Variants in MCCC2 observed in about 807,000 individuals in gnomAD.
MCCC2 encodes the protein methylcrotonyl-CoA carboxylase subunit 2.
MCCC2 carries 52 observed loss-of-function variants against 77.2 expected under a neutral mutation model. That is an observed-to-expected ratio of 0.67 (90% CI 0.54 to 0.85). The LOEUF (loss-of-function observed/expected upper bound fraction) is 0.85. Ranked by LOEUF, MCCC2 falls within the 40% of genes least tolerant of loss-of-function variation. The pLI, the probability that MCCC2 is intolerant of heterozygous loss-of-function variation, is 0.00. For synonymous variants in MCCC2, 253 were observed against 248.4 expected (o/e 1.02, Z -0.18); for missense variants, 682 against 703.2 (o/e 0.97, Z 0.34).
intron 2 of MCCC2, among the ~76,000 whole-genome samples, chr5:71,595,142 C>T (rs987188330): frequency 6.6e-6 from 1 of 151,086 alleles, no homozygotes; most frequent in Non-Finnish European, 1.5e-5. Context: ...TCAAGTGATC[C>T]ACCCACCTCA....
intron 10 of MCCC2, among the ~76,000 whole-genome samples, chr5:71,637,949 T>G (rs1349430490): frequency 6.6e-6 from 1 of 152,102 alleles, no homozygotes; most frequent in African/African-American, 2.4e-5. Flanking sequence ...CCGGACTTCA[T>G]GATCTGCCCG....
chr5:71,637,001 TC>T (rs1746956416), intron 10 of MCCC2, among the ~76,000 whole-genome samples: 2 of 151,934 alleles, frequency 1.3e-5, no homozygotes, highest in African/African-American at 4.8e-5. Context: ...ACCTCAGCCT[TC>T]CGAAGTGCTG....
At chr5:71,605,584 T>G (rs1177981911) in intron 6 of MCCC2, among the ~76,000 whole-genome samples, 1 of 150,476 alleles carries the variant, frequency 6.6e-6, no homozygotes, top group Non-Finnish European at 1.5e-5. Flanking sequence ...TTAGTTTAAT[T>G]AGATCCCATT....
chr5:71,602,371 C>T (rs910473336), intron 4 of MCCC2, 135 bp from the exon 5 acceptor site: 2 of 1,051,478 alleles, frequency 1.9e-6, no homozygotes, highest in East Asian at 2.5e-5. Flanking sequence ...TATCCTAAGA[C>T]TGCTGTCTGC....
chr5:71,599,770 C>T lies in MCCC2; in HGVS notation c.383+10C>T. ...TTGGAAGAGTATCAGGGTGAGTATT[C>T]TACTTGTGCTTCATAATGTGGGTTG... is the stretch of plus-strand genomic sequence containing the variant. On this transcript the variant is annotated intron_variant, in intron 4 of 16. Transcript: ENST00000340941. The T allele has an allele frequency of 6.2e-7, 1 of 1,603,762 alleles. No homozygotes were observed. The highest frequency in any genetic ancestry group is 8.5e-7 in the Non-Finnish European group (1 of 1,170,692).
In MCCC2 at chr5:71,641,024, G is replaced by A. The variant is rs951219809; in HGVS notation, c.1021G>A (p.Gly341Arg). 96 of 1,613,926 alleles carry A rather than the reference G, an allele frequency of 5.9e-5. No homozygotes were observed. Among genetic ancestry groups the A allele is most frequent in the Non-Finnish European group, 7.4e-5 (87 of 1,179,944 alleles). Residue 341 changes from glycine (G) to arginine (R), a missense_variant, in exon 11 of 17, where the codon GGA (glycine) becomes AGA (arginine). Physicochemically the swap from Gly to Arg is moderately radical, Grantham distance 125. Coordinates refer to ENST00000340941, the MANE Select transcript of MCCC2 (RefSeq NM_022132.5). ...VREVIARIVD[G>R]SRFTEFKAFY... ...TTAGGTCATTGCTAGAATCGTGGATGGAAGCAGATTCACTGAGTTCAAAGC... is the reference window on the plus strand; with the variant it reads ...TTAGGTCATTGCTAGAATCGTGGATAGAAGCAGATTCACTGAGTTCAAAGC...
At chr5:71,630,433 C>T (rs149329743) in intron 7 of MCCC2, among the ~76,000 whole-genome samples, 4,668 of 151,444 alleles carry the variant, frequency 0.031, 105 homozygotes, top group South Asian at 0.081. Flanking sequence ...CACTATCAAA[C>T]GTTGTGGGTG....
chr5:71,647,677 T>C (rs570033498), intron 13 of MCCC2, among the ~76,000 whole-genome samples: 1 of 152,166 alleles, frequency 6.6e-6, no homozygotes, highest in African/African-American at 2.4e-5. Context: ...TAGGTAGAGA[T>C]GCAAATGTAG....
At position 71,656,956 on chromosome 5, in the gene MCCC2, G is replaced by A; in HGVS notation, c.*96G>A. 1 of 938,536 alleles carries A rather than the reference G, an allele frequency of 1.1e-6. No individual in the cohort carries two copies. The highest frequency in any genetic ancestry group is 1.3e-5 in the South Asian group (1 of 76,424). The allele number at this position is 938,536 out of a possible 1,614,324, so 58.1% of individuals were successfully genotyped here. A position where few individuals can be genotyped will look rare whatever the true frequency, so the allele number is the denominator to read the frequency against. ...ACTTCTCGAACATGAGGCTGTTACA[G>A]TAATTTTTTTAACACTGTGCATTGT... On this transcript the variant is annotated 3_prime_UTR_variant, in exon 17 of 17. Transcript: ENST00000340941.
intron 2 of MCCC2, among the ~76,000 whole-genome samples, chr5:71,594,618 G>C (rs1745103489): frequency 1.3e-5 from 2 of 152,088 alleles, no homozygotes; most frequent in Middle Eastern, 3.4e-3. Flanking sequence ...TGGATGCTGA[G>C]GAACCGTGGT....
At chr5:71,592,047 C>G (rs934840413) in intron 1 of MCCC2, among the ~76,000 whole-genome samples, 2 of 152,188 alleles carry the variant, frequency 1.3e-5, no homozygotes, top group African/African-American at 4.8e-5. Flanking sequence ...GGATAACAGA[C>G]ATAAGCCACC....
chr5:71,603,246 A>G (rs952129613), intron 5 of MCCC2, among the ~76,000 whole-genome samples: 1 of 151,696 alleles, frequency 6.6e-6, no homozygotes, highest in African/African-American at 2.4e-5. Context: ...CCTCGTCTCT[A>G]CTAAAAAAAA....
chr5:71,612,456 T>C lies in MCCC2; in HGVS notation c.624+7988T>C, dbSNP rs781738759. ...AAATAGAAACTTCGGCTTTGCTTAC[T>C]TTTGCACAGATGGCCGTTGCATTAT... On this transcript the variant is annotated intron_variant, in intron 6 of 16. Transcript: ENST00000340941. 3.3e-5 allele frequency among the ~76,000 whole-genome samples: 5 copies of C among 152,268 alleles called. No individual in the cohort carries two copies. In the South Asian group the frequency reaches 6.2e-4, roughly 19 times the overall value.
intron 6 of MCCC2, among the ~76,000 whole-genome samples, chr5:71,610,242 C>A (rs1432526724): frequency 6.6e-6 from 1 of 151,942 alleles, no homozygotes; most frequent in South Asian, 2.1e-4. Context: ...TAGGACCCTC[C>A]GAGCCAGGTG....
At chr5:71,646,858 G>A (rs192947265) in intron 13 of MCCC2, among the ~76,000 whole-genome samples, 59 of 152,224 alleles carry the variant, frequency 3.9e-4, no homozygotes, top group African/African-American at 1.4e-3. Context: ...TTTCAGGCAC[G>A]TGCTACGGTC....
chr5:71,647,757 G>A (rs191712182), intron 13 of MCCC2, among the ~76,000 whole-genome samples: 93 of 152,322 alleles, frequency 6.1e-4, no homozygotes, highest in Non-Finnish European at 1.1e-3. Flanking sequence ...GAGAAGAGAA[G>A]AAGGTTCAGT....
At chr5:71,634,300 C>G (rs1485014048) in intron 8 of MCCC2, among the ~76,000 whole-genome samples, 1 of 152,198 alleles carries the variant, frequency 6.6e-6, no homozygotes, top group Admixed American at 6.5e-5. Context: ...TGAAATTGAA[C>G]AGGAACTTCC....
chr5:71,626,215 C>T (rs978189570), intron 6 of MCCC2, among the ~76,000 whole-genome samples: 18 of 152,148 alleles, frequency 1.2e-4, no homozygotes, highest in African/African-American at 4.3e-4. Flanking sequence ...ATATTAATAA[C>T]ATCCATTTGA....
At chr5:71,616,317 A>G (rs1181953051) in intron 6 of MCCC2, among the ~76,000 whole-genome samples, 2 of 152,232 alleles carry the variant, frequency 1.3e-5, no homozygotes, top group African/African-American at 4.8e-5. Context: ...TTTACAGTCA[A>G]TCAGAAATAT....
Sources: gnomAD v4.1 joint callset for allele counts (sites outside exome capture counted in the v4.1 genomes callset) on GRCh38, gnomAD v4.1.1 for gene constraint, MANE v1.5 for transcripts, NCBI Gene and HGNC (gene_info 2026-07-23, HGNC 2026-07-21) for gene names.